The following ZSWIM5 variants were observed in gnomAD, a reference collection of about 807,000 sequenced individuals.
ZSWIM5 encodes zinc finger SWIM-type containing 5.
Under a neutral mutation model 119.6 loss-of-function variants are expected in ZSWIM5, and 55 were observed. The observed-to-expected ratio is 0.46, with a 90% CI of 0.37 to 0.58. The LOEUF (loss-of-function observed/expected upper bound fraction) is 0.58. Among genes scored for constraint, ZSWIM5 ranks in the 20% least tolerant of loss-of-function variants. ZSWIM5 has a pLI of 0.00. For missense variants in ZSWIM5, 1,193 were observed against 1,512.8 expected (o/e 0.79, Z 3.51); for synonymous variants, 537 against 606.9 (o/e 0.88, Z 1.69).
At chr1:45,123,884 G>C (rs535091552) in intron 1 of ZSWIM5, among the ~76,000 whole-genome samples, 1 of 152,226 alleles carries the variant, frequency 6.6e-6, no homozygotes, top group African/African-American at 2.4e-5. Context: ...AAAGCAGCAA[G>C]AGAAATAACA....
intron 6 of ZSWIM5, among the ~76,000 whole-genome samples, chr1:45,041,725 A>C (rs553719863): frequency 1.7e-4 from 26 of 152,250 alleles, no homozygotes; most frequent in Admixed American, 1.6e-3. Context: ...TTAAGTAGAG[A>C]CAGGGTTTCA....
intron 1 of ZSWIM5, among the ~76,000 whole-genome samples, chr1:45,158,206 C>T (rs1645842770): frequency 6.6e-6 from 1 of 152,014 alleles, no homozygotes. Flanking sequence ...GCTCTGTCGC[C>T]CAGGCTGGAG....
At chr1:45,125,347 G>C (rs890855779) in intron 1 of ZSWIM5, among the ~76,000 whole-genome samples, 72 of 152,016 alleles carry the variant, frequency 4.7e-4, no homozygotes, top group Non-Finnish European at 3.8e-4. Flanking sequence ...AAATAATCCA[G>C]GGGTCAAAGA....
chr1:45,115,349 C>T (rs1645546740), intron 1 of ZSWIM5, among the ~76,000 whole-genome samples: 1 of 151,966 alleles, frequency 6.6e-6, no homozygotes, highest in Admixed American at 6.5e-5. Context: ...GACGGGGTGG[C>T]TGCCGGGCGG....
intron 1 of ZSWIM5, among the ~76,000 whole-genome samples, chr1:45,181,619 C>CACAT (rs1214658468): frequency 6.6e-6 from 1 of 151,936 alleles, no homozygotes; most frequent in Non-Finnish European, 1.5e-5. Flanking sequence ...AACTCCAAGA[C>CACAT]ACATAATTGT....
In ZSWIM5 at chr1:45,051,164, G is replaced by C. The variant is rs1352038163; in HGVS notation, c.1342C>G (p.Leu448Val). ...CCATCCTCCAGGGGACAGACATCCA[G>C]GTCGCTCCACTTCTGCAGCTGCTGC... The part of the protein sequence containing the change: ...WLQQLQKWSD[L>V]DVCPLEDGNY... The change falls in exon 5 of 14, where the codon CTG (leucine) becomes GTG (valine). Residue 448 changes from leucine to valine, a missense_variant. Transcript: ENST00000359600. The C allele has an allele frequency of 6.2e-7, 1 of 1,614,180 alleles. No individual in the cohort carries two copies. Among genetic ancestry groups the C allele is most frequent in the Non-Finnish European group, 8.5e-7 (1 of 1,180,040 alleles).
At chr1:45,185,476 G>C (rs1268575909) in intron 1 of ZSWIM5, among the ~76,000 whole-genome samples, 1 of 151,846 alleles carries the variant, frequency 6.6e-6, no homozygotes, top group Non-Finnish European at 1.5e-5. Context: ...CTACAGAATG[G>C]GAGAAAATTT....
At chr1:45,113,990 T>C (rs1645532254) in intron 1 of ZSWIM5, among the ~76,000 whole-genome samples, 2 of 152,244 alleles carry the variant, frequency 1.3e-5, no homozygotes, top group Admixed American at 6.5e-5. Flanking sequence ...AAAATGATTT[T>C]AGAAACTATC....
At position 45,190,173 on chromosome 1, in the gene ZSWIM5, A is replaced by C. The variant is rs573066077; in HGVS notation, c.595+15583T>G. ...CACAGAAAAAATATAAAAATTAGCC[A>C]AATTAGCCAGGCATAGTGGTGCGTG... On this transcript the variant is annotated intron_variant, in intron 1 of 13. Transcript: ENST00000359600. Among the ~76,000 whole-genome samples the C allele has an allele frequency of 1.4e-4, 21 of 152,238 alleles. 1 individual carries two copies. In the South Asian group the frequency reaches 4.4e-3, roughly 32 times the overall value.
chr1:45,110,077 G>C (rs1448113742), intron 1 of ZSWIM5, among the ~76,000 whole-genome samples: 2 of 152,054 alleles, frequency 1.3e-5, no homozygotes, highest in African/African-American at 4.8e-5. Flanking sequence ...ATGTTGCCCA[G>C]GCTGGTCTTG....
At position 45,206,400 on chromosome 1, in the gene ZSWIM5, G is replaced by T. The variant is rs1401596307; in HGVS notation, c.-50C>A. The T allele has an allele frequency of 7.4e-7, 1 of 1,345,638 alleles. No individual in the cohort carries two copies. The highest frequency in any genetic ancestry group is 1.5e-5 in the African/African-American group (1 of 65,210). The allele number at this position is 1,345,638 out of a possible 1,614,324, so 83.4% of individuals were successfully genotyped here. A position where few individuals can be genotyped will look rare whatever the true frequency, so the allele number is the denominator to read the frequency against. On this transcript the variant is annotated 5_prime_UTR_variant, in exon 1 of 14. Transcript: ENST00000359600. ...AGGCGGCGGCGGCTGCTCGGGCTGC[G>T]GCGGAGACCCTGGCCACGGCCACGC...
intron 1 of ZSWIM5, among the ~76,000 whole-genome samples, chr1:45,172,315 T>C (rs1645950521): frequency 6.6e-6 from 1 of 152,020 alleles, no homozygotes; most frequent in Non-Finnish European, 1.5e-5. Context: ...GAAGATAAAA[T>C]ATCAACTTCA....
chr1:45,122,622 T>C (rs987785177), intron 1 of ZSWIM5, among the ~76,000 whole-genome samples: 1 of 152,128 alleles, frequency 6.6e-6, no homozygotes, highest in Non-Finnish European at 1.5e-5. Context: ...TTTTGTTTCA[T>C]ATATCTCAGA....
At chr1:45,068,959 C>T (rs892155052) in intron 2 of ZSWIM5, among the ~76,000 whole-genome samples, 9 of 151,616 alleles carry the variant, frequency 5.9e-5, no homozygotes, top group African/African-American at 2.2e-4. Flanking sequence ...GCACACACCA[C>T]CATGCCCAGC....
chr1:45,139,875 G>C (rs1449043358), intron 1 of ZSWIM5, among the ~76,000 whole-genome samples: 3 of 150,734 alleles, frequency 2.0e-5, no homozygotes, highest in Admixed American at 2.0e-4. Flanking sequence ...TCAGGCAGAA[G>C]GAAATAATAC....
chr1:45,096,457 T>C (rs1017560003), intron 1 of ZSWIM5, among the ~76,000 whole-genome samples: 44 of 144,446 alleles, frequency 3.0e-4, no homozygotes, highest in Non-Finnish European at 4.3e-4. Context: ...TGTGTGTGTG[T>C]GTGTGCGTGT....
intron 1 of ZSWIM5, among the ~76,000 whole-genome samples, chr1:45,115,520 C>CTGCAATCTT: frequency 6.8e-6 from 1 of 147,726 alleles, no homozygotes; most frequent in East Asian, 2.1e-4. Context: ...CGGGCAGAGG[C>CTGCAATCTT]GCTCCTCACA....
chr1:45,129,153 G>GTTTTTTTTT (rs869042927), intron 1 of ZSWIM5, among the ~76,000 whole-genome samples: 4 of 70,162 alleles, frequency 5.7e-5, no homozygotes, highest in African/African-American at 5.5e-5. Context: ...CATACATCTT[G>GTTTTTTTTT]TTTTTTTTTT....
chr1:45,145,561 C>T (rs558205744), intron 1 of ZSWIM5, among the ~76,000 whole-genome samples: 6 of 152,080 alleles, frequency 3.9e-5, no homozygotes, highest in African/African-American at 1.4e-4. Context: ...AAAAAGCCAT[C>T]TAGAAAGGTA....
Sources: allele counts gnomAD v4.1 joint callset (sites outside exome capture counted in the v4.1 genomes callset), GRCh38; gene constraint gnomAD v4.1.1; transcripts MANE v1.5; gene names NCBI Gene and HGNC (gene_info 2026-07-23, HGNC 2026-07-21).